KIF26B: variants seen among roughly 807,000 people sequenced by gnomAD.
KIF26B encodes the protein kinesin family member 26B.
Under a neutral mutation model 151.2 loss-of-function variants are expected in KIF26B, and 63 were observed. The ratio of observed to expected loss-of-function variants is 0.42; its 90% CI spans 0.34 to 0.51. The LOEUF (loss-of-function observed/expected upper bound fraction) is 0.51. Among genes scored for constraint, KIF26B ranks in the 20% least tolerant of loss-of-function variants. The pLI is 0.07. For missense variants in KIF26B, 2,813 were observed against 2,913.6 expected (o/e 0.97, Z 0.79); for synonymous variants, 1,357 against 1,262.1 (o/e 1.08, Z -1.59).
At chr1:245,466,164 G>A (rs1202720247) in intron 4 of KIF26B, among the ~76,000 whole-genome samples, 3 of 146,330 alleles carry the variant, frequency 2.1e-5, no homozygotes, top group East Asian at 4.0e-4. Flanking sequence ...TAGAGTAAGA[G>A]TCTGATTTAG....
chr1:245,282,873 G>C (rs1432243157), intron 2 of KIF26B: 2 of 249,714 alleles, frequency 8.0e-6, no homozygotes, highest in Non-Finnish European at 1.8e-5. Context: ...TCCCTTATTG[G>C]CAGTCGGGCA....
At chr1:245,592,705 C>G (rs553142779) in intron 5 of KIF26B, among the ~76,000 whole-genome samples, 1 of 150,480 alleles carries the variant, frequency 6.6e-6, no homozygotes, top group African/African-American at 2.4e-5. Context: ...TGGACTTTCT[C>G]CAGGTGGATA....
chr1:245,174,488 C>CTACG (rs1553330940), intron 2 of KIF26B, among the ~76,000 whole-genome samples: 1 of 148,768 alleles, frequency 6.7e-6, no homozygotes. Context: ...TATTCAGCAA[C>CTACG]TATGTATGTA....
chr1:245,637,843 G>A lies in KIF26B; in HGVS notation c.2099-8278G>A, dbSNP rs144666375. On this transcript the variant is annotated intron_variant, in intron 9 of 14. Transcript: ENST00000407071. The stretch of plus-strand genomic sequence containing the variant: ...TAGATTTATTTCTGGGTTTTCTATT[G>A]TATTCCATTGGTCTTCTATGTGTCT... Among the ~76,000 whole-genome samples, 36 of 151,856 alleles carry A rather than the reference G, an allele frequency of 2.4e-4. No homozygotes were observed. In the East Asian group the frequency reaches 5.8e-3, roughly 24 times the overall value.
chr1:245,474,661 C>T (rs1189459468), intron 4 of KIF26B, among the ~76,000 whole-genome samples: 4 of 151,778 alleles, frequency 2.6e-5, no homozygotes, highest in Non-Finnish European at 4.4e-5. Context: ...GATCCGCCTG[C>T]CTTGGCCTCC....
chr1:245,345,456 G>A (rs1447398396), intron 2 of KIF26B, among the ~76,000 whole-genome samples: 2 of 152,112 alleles, frequency 1.3e-5, no homozygotes, highest in African/African-American at 2.4e-5. Flanking sequence ...TACTCACCAC[G>A]CCTTTCCACG....
intron 10 of KIF26B, among the ~76,000 whole-genome samples, chr1:245,681,720 G>A (rs1327525639): frequency 1.3e-5 from 2 of 152,210 alleles, no homozygotes; most frequent in Admixed American, 1.3e-4. Flanking sequence ...GCATTGGTGT[G>A]AGGCTAGACA....
At chr1:245,443,608 G>A (rs1466580708) in intron 4 of KIF26B, among the ~76,000 whole-genome samples, 8 of 102,582 alleles carry the variant, frequency 7.8e-5, no homozygotes, top group Non-Finnish European at 1.0e-4. Context: ...CACCTAGAGC[G>A]GTCATCTCCC....
Position 245,470,206 on chromosome 1 carries a change from TC to T in KIF26B, c.1166+50464del, listed in dbSNP as rs534085817. On this transcript the variant is annotated intron_variant, in intron 4 of 14. Coordinates refer to ENST00000407071, the MANE Select transcript of KIF26B (RefSeq NM_018012.4). Reference sequence around the variant, plus strand: ...CTTAGATTCTAAGGGCAGGGGGAGTTCCCTGAAGGATTTTAAGTGCCAGGGG... The same window carrying T: ...CTTAGATTCTAAGGGCAGGGGGAGTTCCTGAAGGATTTTAAGTGCCAGGGG... Among the ~76,000 whole-genome samples the T allele has an allele frequency of 2.5e-3, 380 of 152,006 alleles. 1 individual carries two copies. The highest frequency in any genetic ancestry group is 9.0e-3 in the African/African-American group (371 of 41,452).
intron 5 of KIF26B, among the ~76,000 whole-genome samples, chr1:245,544,083 C>A (rs994455307): frequency 6.6e-6 from 1 of 152,174 alleles, no homozygotes; most frequent in East Asian, 1.9e-4. Flanking sequence ...CTGACCTCAG[C>A]GAAGGCCCAT....
At position 245,449,600 on chromosome 1, in the gene KIF26B, A is replaced by G. The variant is rs531267538; in HGVS notation, c.1166+29855A>G. Among the ~76,000 whole-genome samples, 26 of 152,186 alleles carry G rather than the reference A, an allele frequency of 1.7e-4. 1 individual carries two copies. Among genetic ancestry groups the G allele is most frequent in the Non-Finnish European group, 3.2e-4 (22 of 68,030 alleles). On this transcript the variant is annotated intron_variant, in intron 4 of 14. Transcript: ENST00000407071. ...TGTACTGTTAATCAGTTAAGTGAATATGAGCTGGGAAGTGTGTTCACCAAA... is the reference window on the plus strand; with the variant it reads ...TGTACTGTTAATCAGTTAAGTGAATGTGAGCTGGGAAGTGTGTTCACCAAA...
At chr1:245,342,641 C>G (rs1005572286) in intron 2 of KIF26B, among the ~76,000 whole-genome samples, 4 of 152,144 alleles carry the variant, frequency 2.6e-5, no homozygotes, top group African/African-American at 9.7e-5. Context: ...TCTGAGCAAT[C>G]CAGTCTGGTT....
intron 5 of KIF26B, among the ~76,000 whole-genome samples, chr1:245,595,265 C>G (rs1423897088): frequency 6.6e-6 from 1 of 152,118 alleles, no homozygotes; most frequent in Non-Finnish European, 1.5e-5. Flanking sequence ...ATGCTTCCAG[C>G]TTTTGCCTAT....
intron 9 of KIF26B, among the ~76,000 whole-genome samples, chr1:245,627,694 C>A (rs2043739035): frequency 6.6e-6 from 1 of 151,358 alleles, no homozygotes; most frequent in African/African-American, 2.4e-5. Context: ...ATCCAGGAGC[C>A]AGTTTTTTGA....
intron 2 of KIF26B, among the ~76,000 whole-genome samples, chr1:245,273,190 G>A (rs1670881437): frequency 6.6e-6 from 1 of 151,992 alleles, no homozygotes; most frequent in African/African-American, 2.4e-5. Flanking sequence ...GAGGTGGGCG[G>A]ATCACTTGAG....
chr1:245,548,186 G>A (rs1282111563), intron 5 of KIF26B, among the ~76,000 whole-genome samples: 1 of 152,140 alleles, frequency 6.6e-6, no homozygotes, highest in Non-Finnish European at 1.5e-5. Context: ...CCGTCACTAG[G>A]TTGTTAGCTT....
At chr1:245,592,241 G>A (rs888242074) in intron 5 of KIF26B, among the ~76,000 whole-genome samples, 9 of 152,148 alleles carry the variant, frequency 5.9e-5, no homozygotes, top group Non-Finnish European at 8.8e-5. Context: ...CTCACCCAGC[G>A]GCACCTCGGA....
chr1:245,443,439 A>T (rs1485431362), intron 4 of KIF26B, among the ~76,000 whole-genome samples: 26 of 93,938 alleles, frequency 2.8e-4, no homozygotes, highest in Non-Finnish European at 4.6e-4. Flanking sequence ...CCCTGCGGTC[A>T]TCTCCCTCAC....
chr1:245,390,576 C>G (rs1558147724), intron 3 of KIF26B, among the ~76,000 whole-genome samples: 2 of 151,974 alleles, frequency 1.3e-5, no homozygotes, highest in Non-Finnish European at 2.9e-5. Flanking sequence ...ATGTGAAGTA[C>G]TTGGGTGGCA....
Sources: gnomAD v4.1 joint callset for allele counts (sites outside exome capture counted in the v4.1 genomes callset) on GRCh38, gnomAD v4.1.1 for gene constraint, MANE v1.5 for transcripts, NCBI Gene and HGNC (gene_info 2026-07-23, HGNC 2026-07-21) for gene names.